SERGEF: variants seen among roughly 807,000 people sequenced by gnomAD.
SERGEF encodes secretion regulating guanine nucleotide exchange factor.
In SERGEF, 51 loss-of-function variants were observed where a neutral mutation model predicts 50.0. That is an observed-to-expected ratio of 1.02 (90% CI 0.81 to 1.29). The LOEUF is 1.29. Among genes scored for constraint, SERGEF ranks in the 50% most tolerant of loss-of-function variants. SERGEF has a pLI of 0.00. For synonymous variants in SERGEF, 205 were observed against 212.4 expected (o/e 0.97, Z 0.30); for missense variants, 521 against 557.0 (o/e 0.94, Z 0.65).
chr11:17,955,018 G>C (rs1852837749), intron 9 of SERGEF, among the ~76,000 whole-genome samples: 1 of 152,220 alleles, frequency 6.6e-6, no homozygotes, highest in African/African-American at 2.4e-5. Context: ...GGACAGGCTA[G>C]ACAGGCAGCC....
intron 10 of SERGEF, among the ~76,000 whole-genome samples, chr11:17,823,132 G>T (rs1321671410): frequency 6.6e-6 from 1 of 152,152 alleles, no homozygotes. Flanking sequence ...CTTTGTTTTT[G>T]ATGATCTTGA....
chr11:17,899,902 G>A (rs971946421), intron 9 of SERGEF, among the ~76,000 whole-genome samples: 3 of 150,880 alleles, frequency 2.0e-5, no homozygotes, highest in Non-Finnish European at 4.4e-5. Context: ...GCTGCAGAGA[G>A]CTATGATGGC....
rs565628753 is a variant in SERGEF at position 18,005,647 on chromosome 11, T to C, written c.352+944A>G. Among the ~76,000 whole-genome samples, 4 of 152,186 alleles carry C rather than the reference T, an allele frequency of 2.6e-5. No individual in the cohort carries two copies. In the East Asian group the frequency reaches 7.7e-4, roughly 29 times the overall value. ...CTGGTCAGAAACCACAGATGGTCCT[T>C]TAAATCCAGAATGGCCAGCTAGACA... On this transcript the variant is annotated intron_variant, in intron 3 of 10. Transcript: ENST00000265965.
Position 17,798,221 on chromosome 11 carries a change from TTCTC to T in SERGEF, c.1049-9812_1049-9809del, listed in dbSNP as rs535557379. Among the ~76,000 whole-genome samples, 88 of 152,222 alleles carry T rather than the reference TTCTC, an allele frequency of 5.8e-4. No individual in the cohort carries two copies. In the South Asian group the frequency reaches 0.016, roughly 28 times the overall value. The stretch of plus-strand genomic sequence containing the variant: ...CCCCCTTGCTCAAAAGGTTGCCCAG[TTCTC>T]TCTGTCAATCACTTTCCCTCTACAT... On this transcript the variant is annotated intron_variant, in intron 10 of 10. Coordinates refer to ENST00000265965, the MANE Select transcript of SERGEF (RefSeq NM_012139.4).
chr11:17,789,091 G>A (rs953235588), intron 10 of SERGEF, among the ~76,000 whole-genome samples: 2 of 152,176 alleles, frequency 1.3e-5, no homozygotes, highest in African/African-American at 4.8e-5. Flanking sequence ...TGTTCCTTAA[G>A]TATGTCCAGT....
chr11:17,960,794 C>G (rs910083393), intron 8 of SERGEF, among the ~76,000 whole-genome samples: 1 of 152,168 alleles, frequency 6.6e-6, no homozygotes, highest in Non-Finnish European at 1.5e-5. Flanking sequence ...AAGGTAGATA[C>G]CAAGCAGTTT....
At chr11:17,912,845 A>G (rs1851980131) in intron 9 of SERGEF, among the ~76,000 whole-genome samples, 1 of 152,184 alleles carries the variant, frequency 6.6e-6, no homozygotes, top group African/African-American at 2.4e-5. Context: ...CATATTTTAC[A>G]TCCACACAAC....
intron 10 of SERGEF, among the ~76,000 whole-genome samples, chr11:17,804,527 C>G (rs1849724430): frequency 2.0e-5 from 3 of 151,466 alleles, no homozygotes; most frequent in African/African-American, 7.3e-5. Flanking sequence ...AGGTGCCTTC[C>G]TTCTTTACGC....
intron 10 of SERGEF, among the ~76,000 whole-genome samples, chr11:17,860,916 C>A (rs758963905): frequency 6.6e-6 from 1 of 152,156 alleles, no homozygotes; most frequent in African/African-American, 2.4e-5. Context: ...CCCTGAGGAG[C>A]AAGAAGGGAT....
chr11:17,874,837 T>C (rs925148052), intron 10 of SERGEF, among the ~76,000 whole-genome samples: 5 of 152,178 alleles, frequency 3.3e-5, no homozygotes, highest in African/African-American at 1.2e-4. Flanking sequence ...GACCCTGATA[T>C]CCAGGCTGGG....
At chr11:17,815,158 G>T (rs1359045228) in intron 10 of SERGEF, among the ~76,000 whole-genome samples, 1 of 152,168 alleles carries the variant, frequency 6.6e-6, no homozygotes, top group East Asian at 1.9e-4. Flanking sequence ...CCACAGTCCA[G>T]CCTGGGTGAC....
chr11:17,918,655 C>CACAT lies in SERGEF; in HGVS notation c.1012-40412_1012-40411insATGT, dbSNP rs1472242550. On this transcript the variant is annotated intron_variant, in intron 9 of 10. Transcript: ENST00000265965. Reference sequence around the variant, plus strand: ...ACACACACACACACACACACACATACACACACACTCTCTCTCTCTCTCTCT... The same window carrying CACAT: ...ACACACACACACACACACACACATACACATACACACACTCTCTCTCTCTCTCTCT... The CACAT allele has an allele frequency of 2.2e-5, 9 of 412,636 alleles. No homozygotes were observed. In the East Asian group the frequency reaches 5.5e-4, roughly 25 times the overall value. 25.6% of individuals were successfully genotyped at this position (412,636 alleles called of 1,614,324 possible). A position where few individuals can be genotyped will look rare whatever the true frequency, so the allele number is the denominator to read the frequency against.
In SERGEF at chr11:17,845,569, C is replaced by T. The variant is rs545125975; in HGVS notation, c.1048+32639G>A. Among the ~76,000 whole-genome samples, 466 of 152,338 alleles carry T rather than the reference C, an allele frequency of 3.1e-3. 2 individuals carry two copies. The highest frequency in any genetic ancestry group is 5.3e-3 in the Non-Finnish European group (361 of 68,036). On this transcript the variant is annotated intron_variant, in intron 10 of 10. Coordinates refer to ENST00000265965, the MANE Select transcript of SERGEF (RefSeq NM_012139.4). ...GCAAGACACACCCTTCTTTTAGCCT[C>T]ATTTTTCCCATTTGTAAGTGAAGAA... is the stretch of plus-strand genomic sequence containing the variant.
intron 10 of SERGEF, among the ~76,000 whole-genome samples, chr11:17,837,273 G>A (rs555292675): frequency 1.3e-5 from 2 of 152,194 alleles, no homozygotes; most frequent in South Asian, 2.1e-4. Flanking sequence ...GGCTGAGTAA[G>A]TGATAAATAA....
At chr11:17,796,480 G>C (rs1370873578) in intron 10 of SERGEF, among the ~76,000 whole-genome samples, 1 of 152,186 alleles carries the variant, frequency 6.6e-6, no homozygotes, top group African/African-American at 2.4e-5. Context: ...TGTGGGAATG[G>C]GTTAATTATC....
chr11:17,986,763 T>C (rs940186664), intron 8 of SERGEF, among the ~76,000 whole-genome samples: 1 of 152,234 alleles, frequency 6.6e-6, no homozygotes, highest in Non-Finnish European at 1.5e-5. Flanking sequence ...TGACTAACCA[T>C]GAAATGCCTA....
At chr11:17,960,677 G>A (rs1852979636) in intron 8 of SERGEF, among the ~76,000 whole-genome samples, 1 of 152,160 alleles carries the variant, frequency 6.6e-6, no homozygotes, top group South Asian at 2.1e-4. Context: ...GGTTTATAGT[G>A]TCAGCTAAAA....
At chr11:17,895,496 C>A (rs1851603118) in intron 9 of SERGEF, among the ~76,000 whole-genome samples, 1 of 152,192 alleles carries the variant, frequency 6.6e-6, no homozygotes, top group Non-Finnish European at 1.5e-5. Flanking sequence ...CCAGGGGCAG[C>A]TTGCTAGAAT....
At chr11:17,879,964 TG>T (rs1167783053) in intron 9 of SERGEF, among the ~76,000 whole-genome samples, 1 of 152,236 alleles carries the variant, frequency 6.6e-6, no homozygotes, top group African/African-American at 2.4e-5. Context: ...GAAAACCACT[TG>T]GAAGTAATAT....
Sources: allele counts gnomAD v4.1 joint callset (sites outside exome capture counted in the v4.1 genomes callset), GRCh38; gene constraint gnomAD v4.1.1; transcripts MANE v1.5; gene names NCBI Gene and HGNC (gene_info 2026-07-23, HGNC 2026-07-21).